The following FBXO34 variants were observed in gnomAD, a reference collection of about 807,000 sequenced individuals.
FBXO34 encodes the protein F-box protein 34.
A neutral mutation model predicts 24.5 loss-of-function variants in FBXO34; 12 were observed. The ratio of observed to expected loss-of-function variants is 0.49; its 90% CI spans 0.31 to 0.79. The LOEUF (loss-of-function observed/expected upper bound fraction) is 0.79. Among genes scored for constraint, FBXO34 ranks in the 30% least tolerant of loss-of-function variants. The pLI, the probability that FBXO34 is intolerant of heterozygous loss-of-function variation, is 0.04. For missense variants in FBXO34, 823 were observed against 857.7 expected (o/e 0.96, Z 0.51); for synonymous variants, 320 against 311.9 (o/e 1.03, Z -0.27).
In FBXO34 at chr14:55,345,865, C is replaced by G. The variant is rs1884143177; in HGVS notation, c.-10-4516C>G. 1.3e-5 allele frequency among the ~76,000 whole-genome samples: 2 copies of G among 151,016 alleles called. 1 individual carries two copies. The highest frequency in any genetic ancestry group is 4.2e-4 in the South Asian group (2 of 4,714). ...AAAAATTTTTAAAAAGATTAGCTGGCCATTGTGGCATGTGCTTGTGGTTGC... is the reference window on the plus strand; with the variant it reads ...AAAAATTTTTAAAAAGATTAGCTGGGCATTGTGGCATGTGCTTGTGGTTGC... On this transcript the variant is annotated intron_variant, in intron 1 of 1. Transcript: ENST00000313833.
chr14:55,385,707 C>T, the FBXO34 span: 11 of 739,520 alleles, frequency 1.5e-5, no homozygotes, highest in South Asian at 2.0e-4. Context: ...TTCTGCGGTG[C>T]GTACTGTTTG....
the FBXO34 span, among the ~76,000 whole-genome samples, chr14:55,441,128 G>A: frequency 2.6e-5 from 4 of 152,176 alleles, no homozygotes; most frequent in East Asian, 1.9e-4. Flanking sequence ...TTACAGGCGT[G>A]AGCCACTGCA....
At chr14:55,369,889 C>T (rs201913375), downstream of FBXO34, 76 of 1,613,912 alleles carry the variant, frequency 4.7e-5, no homozygotes, top group East Asian at 1.0e-3. Context: ...ATTCCATGGA[C>T]TCCTCAAGGT....
chr14:55,281,991 C>CTTT (rs372305828), intron 1 of FBXO34, among the ~76,000 whole-genome samples: 4,947 of 64,996 alleles, frequency 0.076, 1,135 homozygotes, highest in African/African-American at 0.33. Flanking sequence ...TTAAATTTAG[C>CTTT]TTTTTTTTTT....
At chr14:55,323,367 G>GC (rs1883231215) in intron 1 of FBXO34, among the ~76,000 whole-genome samples, 3 of 139,084 alleles carry the variant, frequency 2.2e-5, no homozygotes, top group Middle Eastern at 3.6e-3. Context: ...CCCTGACCTG[G>GC]CCCCCCTTTA....
Position 55,351,988 on chromosome 14 carries a change from T to C in FBXO34, c.1598T>C (p.Leu533Pro), listed in dbSNP as rs3742569. Residue 533 changes from leucine to proline, a missense_variant, in exon 2 of 2, where the codon CTG becomes CCG. By Grantham distance (98) the Leu-to-Pro change is moderately conservative (BLOSUM62 -3). This residue lies in a region of FBXO34 where 693 missense variants were observed against 659.1 expected (regional missense o/e 1.05). Transcript: ENST00000313833. Reference sequence around the variant, plus strand: ...AGTGGGTCTGCTGAGCCATTTGTACTGCCAGCCTCTTCTGTGGAAAGTACA... The same window carrying C: ...AGTGGGTCTGCTGAGCCATTTGTACCGCCAGCCTCTTCTGTGGAAAGTACA... Reference protein sequence around the residue: ...EKSGSAEPFVLPASSVESTLP... With the variant: ...EKSGSAEPFVPPASSVESTLP... The C allele has an allele frequency of 0.42, 682,069 of 1,613,850 alleles. 145,950 individuals carry two copies. Among genetic ancestry groups the C allele is most frequent in the African/African-American group, 0.46 (34,485 of 74,908 alleles).
intron 1 of FBXO34, among the ~76,000 whole-genome samples, chr14:55,305,284 C>T (rs1199901989): frequency 1.3e-5 from 2 of 151,966 alleles, no homozygotes; most frequent in African/African-American, 4.8e-5. Flanking sequence ...TGGTGGTGCG[C>T]ACCTGTAGTC....
intron 1 of FBXO34, among the ~76,000 whole-genome samples, chr14:55,328,159 A>G (rs1883413727): frequency 6.6e-6 from 1 of 151,798 alleles, no homozygotes; most frequent in South Asian, 2.1e-4. Context: ...GGGTTTTGCC[A>G]TGTTGGCCAG....
intron 1 of FBXO34, among the ~76,000 whole-genome samples, chr14:55,303,779 A>G (rs1882445228): frequency 6.6e-6 from 1 of 152,220 alleles, no homozygotes; most frequent in Non-Finnish European, 1.5e-5. Flanking sequence ...GGTTCAGACA[A>G]GTGTTGTGAG....
At chr14:55,397,565 G>A in the FBXO34 span, 8 of 731,130 alleles carry the variant, frequency 1.1e-5, no homozygotes, top group East Asian at 2.7e-5. Flanking sequence ...GTAAATACAC[G>A]TCTTCTCAAC....
downstream of FBXO34, chr14:55,369,433 T>TG (rs1884760500): frequency 2.0e-6 from 1 of 493,414 alleles, no homozygotes; most frequent in Non-Finnish European, 3.4e-6. Flanking sequence ...ATAAGCATGT[T>TG]GGTCACCATC....
At chr14:55,423,888 G>A in the FBXO34 span, among the ~76,000 whole-genome samples, 1 of 152,096 alleles carries the variant, frequency 6.6e-6, no homozygotes, top group Non-Finnish European at 1.5e-5. Context: ...GTAACAGTAA[G>A]TTTAAGCCAT....
the FBXO34 span, among the ~76,000 whole-genome samples, chr14:55,402,153 T>C: frequency 6.6e-6 from 1 of 152,164 alleles, no homozygotes; most frequent in Non-Finnish European, 1.5e-5. Context: ...ATAACTAGCC[T>C]CACCGTAACA....
At chr14:55,292,348 G>T (rs72715766) in intron 1 of FBXO34, among the ~76,000 whole-genome samples, 1 of 151,924 alleles carries the variant, frequency 6.6e-6, no homozygotes, top group African/African-American at 2.4e-5. Flanking sequence ...AGTATTATAA[G>T]CTGTATTTAC....
chr14:55,323,184 C>CA (rs368380622), intron 1 of FBXO34, among the ~76,000 whole-genome samples: 193 of 12,140 alleles, frequency 0.016, 11 homozygotes, highest in Non-Finnish European at 0.02. Context: ...GACTCTGTCT[C>CA]AAAAAAAAAA....
the FBXO34 span, chr14:55,435,971 T>C: frequency 8.2e-7 from 1 of 1,222,288 alleles, no homozygotes; most frequent in Non-Finnish European, 1.1e-6. Flanking sequence ...TTATATCAGA[T>C]ATAAAGAGTA....
intron 1 of FBXO34, among the ~76,000 whole-genome samples, chr14:55,326,209 A>C (rs1183180278): frequency 6.6e-6 from 1 of 152,176 alleles, no homozygotes; most frequent in African/African-American, 2.4e-5. Context: ...TTTATTTCTG[A>C]AGATAATCAC....
intron 1 of FBXO34, among the ~76,000 whole-genome samples, chr14:55,340,639 C>A (rs144369850): frequency 6.6e-6 from 1 of 152,146 alleles, no homozygotes; most frequent in Non-Finnish European, 1.5e-5. Flanking sequence ...AATGGGCCAG[C>A]CTGTGCCCAG....
chr14:55,273,135 C>G (rs1317216245), intron 1 of FBXO34, among the ~76,000 whole-genome samples: 1 of 151,618 alleles, frequency 6.6e-6, no homozygotes, highest in Non-Finnish European at 1.5e-5. Context: ...GGTAGAAGTC[C>G]TTAATCCTTC....
Sources: gnomAD v4.1 joint callset for allele counts (sites outside exome capture counted in the v4.1 genomes callset) on GRCh38, gnomAD v4.1.1 for gene constraint, gnomAD v4.1.1 regional missense constraint, MANE v1.5 for transcripts, NCBI Gene and HGNC (gene_info 2026-07-23, HGNC 2026-07-21) for gene names.